The following SPON1 variants were observed in gnomAD, a reference collection of about 807,000 sequenced individuals.
SPON1 encodes the protein spondin 1, also known as spondin-1.
Under a neutral mutation model 111.7 loss-of-function variants are expected in SPON1, and 52 were observed. That is an observed-to-expected ratio of 0.47 (90% CI 0.37 to 0.59). The LOEUF is 0.59. SPON1 is among the 20% of genes least tolerant of loss of function. The pLI, the probability that SPON1 is intolerant of heterozygous loss-of-function variation, is 0.00. For synonymous variants in SPON1, 410 were observed against 395.8 expected (o/e 1.04, Z -0.43); for missense variants, 957 against 1,068.5 (o/e 0.90, Z 1.46).
At chr11:14,047,519 T>C (rs1554917946) in intron 3 of SPON1, among the ~76,000 whole-genome samples, 1 of 152,164 alleles carries the variant, frequency 6.6e-6, no homozygotes, top group African/African-American at 2.4e-5. Flanking sequence ...GTGATGTATA[T>C]TAAAATATTT....
chr11:14,252,302 G>A (rs1322183653), intron 7 of SPON1, among the ~76,000 whole-genome samples: 2 of 151,634 alleles, frequency 1.3e-5, no homozygotes, highest in South Asian at 2.1e-4. Flanking sequence ...TGCCTCAGCC[G>A]AAGGCAAGAC....
intron 2 of SPON1, among the ~76,000 whole-genome samples, chr11:14,030,517 G>A (rs1352736174): frequency 6.6e-6 from 1 of 152,068 alleles, no homozygotes; most frequent in Non-Finnish European, 1.5e-5. Context: ...GAAAGCACAG[G>A]GTACACTCCC....
At chr11:14,264,045 A>G (rs77192784) in intron 15 of SPON1, among the ~76,000 whole-genome samples, 94 of 152,092 alleles carry the variant, frequency 6.2e-4, no homozygotes, top group Admixed American at 1.8e-3. Context: ...AAAAAAAAAA[A>G]AAAAGAAAAG....
At chr11:14,172,410 G>A (rs1301540603) in intron 6 of SPON1, among the ~76,000 whole-genome samples, 1 of 151,742 alleles carries the variant, frequency 6.6e-6, no homozygotes, top group Non-Finnish European at 1.5e-5. Flanking sequence ...TGGGTTTCCT[G>A]AATACAGCAC....
At chr11:14,213,982 C>A (rs1426910957) in intron 6 of SPON1, among the ~76,000 whole-genome samples, 1 of 152,214 alleles carries the variant, frequency 6.6e-6, no homozygotes. Context: ...CACAAGCACA[C>A]AATCATGTTG....
At chr11:14,215,128 A>T (rs933851089) in intron 6 of SPON1, among the ~76,000 whole-genome samples, 2 of 152,036 alleles carry the variant, frequency 1.3e-5, no homozygotes, top group Non-Finnish European at 2.9e-5. Context: ...GGATTATAGC[A>T]CACTACAGCC....
intron 2 of SPON1, among the ~76,000 whole-genome samples, chr11:13,984,309 G>T (rs1449719919): frequency 2.0e-5 from 3 of 152,094 alleles, no homozygotes; most frequent in African/African-American, 7.2e-5. Context: ...CTTGCTTATT[G>T]CTTGTTTTAG....
intron 3 of SPON1, among the ~76,000 whole-genome samples, chr11:14,068,583 G>T (rs1054881164): frequency 1.3e-5 from 2 of 152,272 alleles, no homozygotes; most frequent in East Asian, 3.9e-4. Context: ...CCTGCCAAGG[G>T]TCTCTTTTAG....
intron 5 of SPON1, among the ~76,000 whole-genome samples, chr11:14,114,806 TGA>T (rs782389563): frequency 6.6e-6 from 1 of 152,194 alleles, no homozygotes; most frequent in Non-Finnish European, 1.5e-5. Context: ...CCTAATATGC[TGA>T]GAGACCCTCA....
At chr11:13,971,165 G>T (rs1848060467) in intron 1 of SPON1, among the ~76,000 whole-genome samples, 1 of 152,212 alleles carries the variant, frequency 6.6e-6, no homozygotes, top group Admixed American at 6.5e-5. Flanking sequence ...AGAGAGAAAG[G>T]ATGCCAGTGC....
intron 7 of SPON1, among the ~76,000 whole-genome samples, chr11:14,250,201 C>G (rs975437328): frequency 3.1e-4 from 47 of 152,270 alleles, no homozygotes; most frequent in African/African-American, 1.1e-3. Flanking sequence ...CAATTCAGTA[C>G]TGCTGTTTTC....
intron 5 of SPON1, among the ~76,000 whole-genome samples, chr11:14,123,326 G>C (rs892216043): frequency 1.3e-5 from 2 of 152,046 alleles, no homozygotes; most frequent in Non-Finnish European, 2.9e-5. Context: ...TATGACAAAT[G>C]GTTAATTTAC....
intron 6 of SPON1, among the ~76,000 whole-genome samples, chr11:14,225,015 C>T (rs1312378536): frequency 6.6e-6 from 1 of 152,190 alleles, no homozygotes; most frequent in Non-Finnish European, 1.5e-5. Flanking sequence ...TGACGGAAGC[C>T]TCTCCAGGGT....
chr11:14,020,882 A>G (rs1848476637), intron 2 of SPON1, among the ~76,000 whole-genome samples: 2 of 152,226 alleles, frequency 1.3e-5, no homozygotes, highest in African/African-American at 4.8e-5. Flanking sequence ...TGGGATAATT[A>G]TAATACTAAC....
chr11:14,232,897 G>T (rs923574458), intron 6 of SPON1, among the ~76,000 whole-genome samples: 2 of 152,094 alleles, frequency 1.3e-5, no homozygotes, highest in East Asian at 1.9e-4. Flanking sequence ...CACATGGCAG[G>T]GGGGGCAGTA....
At position 14,160,827 on chromosome 11, in the gene SPON1, A is replaced by G. The variant is rs1409569551; in HGVS notation, c.825+25259A>G. On this transcript the variant is annotated intron_variant, in intron 6 of 15. Transcript: ENST00000576479. Reference sequence around the variant, plus strand: ...TTATATATATTTTTATATATATTTTATATATATTTATATATTTATATATTT... The same window carrying G: ...TTATATATATTTTTATATATATTTTGTATATATTTATATATTTATATATTT... Among the ~76,000 whole-genome samples the G allele has an allele frequency of 4.7e-5, 2 of 42,260 alleles. 1 individual carries two copies. The highest frequency in any genetic ancestry group is 8.0e-5 in the Non-Finnish European group (2 of 24,986). The allele number at this position is 42,260 out of a possible 152,430, so 27.7% of individuals were successfully genotyped here.
chr11:14,132,176 G>T (rs982430198), intron 5 of SPON1, among the ~76,000 whole-genome samples: 3 of 152,062 alleles, frequency 2.0e-5, no homozygotes, highest in Non-Finnish European at 4.4e-5. Flanking sequence ...TACTAGGGAG[G>T]CTGAGGCAAG....
At chr11:14,237,757 C>T (rs1348460501) in intron 6 of SPON1, among the ~76,000 whole-genome samples, 3 of 152,182 alleles carry the variant, frequency 2.0e-5, no homozygotes, top group Non-Finnish European at 4.4e-5. Context: ...TCAAACCGGT[C>T]GTCAGAACAG....
At chr11:14,169,688 A>G (rs528662164) in intron 6 of SPON1, among the ~76,000 whole-genome samples, 181 of 151,348 alleles carry the variant, frequency 1.2e-3, no homozygotes, top group South Asian at 6.3e-3. Context: ...AGGTGTAAGG[A>G]GATCCAGTTT....
Sources: gnomAD v4.1 joint callset for allele counts (sites outside exome capture counted in the v4.1 genomes callset) on GRCh38, gnomAD v4.1.1 for gene constraint, MANE v1.5 for transcripts, NCBI Gene and HGNC (gene_info 2026-07-23, HGNC 2026-07-21) for gene names.